The following HS6ST3 variants were observed in gnomAD, a reference collection of about 807,000 sequenced individuals.
The protein encoded by HS6ST3 is heparan sulfate 6-O-sulfotransferase 3, also known as heparan-sulfate 6-O-sulfotransferase 3.
HS6ST3 carries 12 observed loss-of-function variants against 36.7 expected under a neutral mutation model. The observed-to-expected ratio is 0.33, with a 90% CI of 0.21 to 0.53. The LOEUF is 0.53. Among genes scored for constraint, HS6ST3 ranks in the 20% least tolerant of loss-of-function variants. The probability of loss-of-function intolerance (pLI) is 0.95; values close to 1 mark genes in which losing one functional copy is unlikely to be tolerated. For missense variants in HS6ST3, 584 were observed against 640.9 expected (o/e 0.91, Z 0.96); for synonymous variants, 240 against 257.5 (o/e 0.93, Z 0.65).
At chr13:96,497,355 C>G (rs566090226) in intron 1 of HS6ST3, among the ~76,000 whole-genome samples, 1 of 152,252 alleles carries the variant, frequency 6.6e-6, no homozygotes, top group East Asian at 1.9e-4. Context: ...ATGTGAGGTA[C>G]AAATAGTGAG....
chr13:96,320,924 C>G (rs1216753003), intron 1 of HS6ST3, among the ~76,000 whole-genome samples: 1 of 152,204 alleles, frequency 6.6e-6, no homozygotes, highest in Non-Finnish European at 1.5e-5. Context: ...TGGTCCAGGT[C>G]AGCTTGGCAT....
chr13:96,279,107 A>G (rs2054762414), intron 1 of HS6ST3, among the ~76,000 whole-genome samples: 1 of 152,200 alleles, frequency 6.6e-6, no homozygotes, highest in Non-Finnish European at 1.5e-5. Context: ...TCAGAGAGTA[A>G]TTGACTTTCA....
At chr13:96,695,335 T>G (rs1449133693) in intron 1 of HS6ST3, among the ~76,000 whole-genome samples, 5 of 152,234 alleles carry the variant, frequency 3.3e-5, no homozygotes, top group Non-Finnish European at 7.3e-5. Flanking sequence ...CTTCTGAATG[T>G]CTGATAGCCA....
chr13:96,201,239 G>A (rs1316850581), intron 1 of HS6ST3, among the ~76,000 whole-genome samples: 1 of 152,028 alleles, frequency 6.6e-6, no homozygotes, highest in Non-Finnish European at 1.5e-5. Flanking sequence ...AGGAAGCTTG[G>A]CCTGCAAAAT....
chr13:96,247,173 C>G (rs1217394395), intron 1 of HS6ST3, among the ~76,000 whole-genome samples: 1 of 151,990 alleles, frequency 6.6e-6, no homozygotes. Flanking sequence ...ACTTTCCTCT[C>G]CCATCCTGGA....
At chr13:96,152,316 C>CTTT (rs766489670) in intron 1 of HS6ST3, among the ~76,000 whole-genome samples, 118 of 96,924 alleles carry the variant, frequency 1.2e-3, no homozygotes, top group Admixed American at 1.9e-3. Flanking sequence ...GGCCCCTTTC[C>CTTT]TTTTTTTTTT....
chr13:96,693,298 G>GATC (rs1254854274), intron 1 of HS6ST3, among the ~76,000 whole-genome samples: 27 of 151,830 alleles, frequency 1.8e-4, no homozygotes, highest in Non-Finnish European at 2.2e-4. Context: ...GATTTGGCCA[G>GATC]ATTATTATTA....
intron 1 of HS6ST3, among the ~76,000 whole-genome samples, chr13:96,814,299 G>A (rs1878377341): frequency 6.6e-6 from 1 of 151,944 alleles, no homozygotes; most frequent in South Asian, 2.1e-4. Context: ...TGATAATTTG[G>A]CTAGGTATAA....
At chr13:96,204,136 C>A (rs1246731775) in intron 1 of HS6ST3, among the ~76,000 whole-genome samples, 6 of 152,010 alleles carry the variant, frequency 3.9e-5, no homozygotes, top group African/African-American at 1.2e-4. Context: ...TAATATGTGT[C>A]ATAAAATTTA....
At chr13:96,686,755 G>A (rs548936230) in intron 1 of HS6ST3, among the ~76,000 whole-genome samples, 2 of 152,054 alleles carry the variant, frequency 1.3e-5, no homozygotes, top group South Asian at 2.1e-4. Flanking sequence ...TTCTCGCTGT[G>A]GGGCTTCATT....
intron 1 of HS6ST3, among the ~76,000 whole-genome samples, chr13:96,378,460 G>C (rs1323511247): frequency 2.0e-5 from 3 of 152,184 alleles, no homozygotes; most frequent in Non-Finnish European, 2.9e-5. Context: ...GCTACCTCAT[G>C]ATTCCTGGAA....
At chr13:96,227,077 T>A (rs1480195867) in intron 1 of HS6ST3, among the ~76,000 whole-genome samples, 1 of 152,184 alleles carries the variant, frequency 6.6e-6, no homozygotes, top group Non-Finnish European at 1.5e-5. Context: ...GGCCAATCTC[T>A]TGGGAAAAAT....
intron 1 of HS6ST3, among the ~76,000 whole-genome samples, chr13:96,717,340 A>G (rs1875726269): frequency 6.6e-6 from 1 of 152,178 alleles, no homozygotes; most frequent in South Asian, 2.1e-4. Context: ...TAGAATTGAT[A>G]AATTATACTC....
At chr13:96,328,109 A>G (rs1594754433) in intron 1 of HS6ST3, among the ~76,000 whole-genome samples, 1 of 144,838 alleles carries the variant, frequency 6.9e-6, no homozygotes, top group South Asian at 2.3e-4. Context: ...CTAGATATAC[A>G]ATCATGTCAT....
At chr13:96,370,572 G>A (rs2055284532) in intron 1 of HS6ST3, among the ~76,000 whole-genome samples, 1 of 152,084 alleles carries the variant, frequency 6.6e-6, no homozygotes, top group Non-Finnish European at 1.5e-5. Context: ...ACCCTCTCAA[G>A]GGTAATCAGT....
chr13:96,298,400 C>G (rs2054865714), intron 1 of HS6ST3, among the ~76,000 whole-genome samples: 2 of 152,154 alleles, frequency 1.3e-5, no homozygotes, highest in South Asian at 4.1e-4. Flanking sequence ...GGGCTTAAGG[C>G]AAAATCTACA....
At chr13:96,462,603 A>T (rs978872505) in intron 1 of HS6ST3, among the ~76,000 whole-genome samples, 1 of 152,184 alleles carries the variant, frequency 6.6e-6, no homozygotes, top group Non-Finnish European at 1.5e-5. Context: ...CATTTTTATT[A>T]TACAGGAGAT....
At chr13:96,098,024 G>C (rs773457082) in intron 1 of HS6ST3, among the ~76,000 whole-genome samples, 1 of 152,192 alleles carries the variant, frequency 6.6e-6, no homozygotes, top group Non-Finnish European at 1.5e-5. Context: ...CCACTCCCCG[G>C]ATTGTCTAGA....
At chr13:96,661,829 A>G (rs992799128) in intron 1 of HS6ST3, among the ~76,000 whole-genome samples, 2 of 152,076 alleles carry the variant, frequency 1.3e-5, no homozygotes, top group African/African-American at 4.8e-5. Flanking sequence ...TCTGGGAAAG[A>G]CTTTATTTAT....
Sources: allele counts gnomAD v4.1 joint callset (sites outside exome capture counted in the v4.1 genomes callset), GRCh38; gene constraint gnomAD v4.1.1; transcripts MANE v1.5; gene names NCBI Gene and HGNC (gene_info 2026-07-23, HGNC 2026-07-21).